Variants in LRRTM4 observed in about 807,000 individuals in gnomAD.
The protein encoded by LRRTM4 is leucine rich repeat transmembrane neuronal 4.
A neutral mutation model predicts 47.6 loss-of-function variants in LRRTM4; 25 were observed. The ratio of observed to expected loss-of-function variants is 0.53; its 90% confidence interval spans 0.38 to 0.73. The LOEUF is 0.73. LRRTM4 is among the 30% of genes least tolerant of loss of function. The pLI, the probability that LRRTM4 is intolerant of heterozygous loss-of-function variation, is 0.00. For missense variants in LRRTM4, 638 were observed against 713.4 expected (o/e 0.89, Z 1.20); for synonymous variants, 311 against 269.5 (o/e 1.15, Z -1.51).
At chr2:77,512,253 T>C (rs529684192) in intron 3 of LRRTM4, among the ~76,000 whole-genome samples, 8 of 152,282 alleles carry the variant, frequency 5.3e-5, no homozygotes, top group Non-Finnish European at 1.0e-4. Context: ...TAGCAGCTTC[T>C]AGCAGACGTT....
intron 3 of LRRTM4, among the ~76,000 whole-genome samples, chr2:76,941,483 A>G (rs1675140890): frequency 6.7e-6 from 1 of 149,644 alleles, no homozygotes; most frequent in Non-Finnish European, 1.5e-5. Context: ...TCCCCCAACA[A>G]CCCCCAGTAT....
intron 3 of LRRTM4, among the ~76,000 whole-genome samples, chr2:77,313,004 T>G (rs1427744262): frequency 6.6e-6 from 1 of 152,110 alleles, no homozygotes; most frequent in Non-Finnish European, 1.5e-5. Flanking sequence ...TTGAGTACCA[T>G]CTCTTTAGGA....
rs527791772 is a variant in LRRTM4 at position 76,885,616 on chromosome 2, C to T, written c.1552-136700G>A. ...TAGCTGGGACCGCAAGCGCCCACCG[C>T]CACCACGTCCGGCTAATTGTTTGTA... On this transcript the variant is annotated intron_variant, in intron 3 of 3. Transcript: ENST00000409884. Among the ~76,000 whole-genome samples the T allele has an allele frequency of 5.3e-5, 8 of 152,098 alleles. No homozygotes were observed. In the South Asian group the frequency reaches 1.7e-3, roughly 32 times the overall value.
rs542859129 is a variant in LRRTM4, at chr2:76,749,053, T to C, written c.1552-137A>G. The C allele has an allele frequency of 4.1e-5, 27 of 662,104 alleles. No homozygotes were observed. In the Admixed American group the frequency reaches 4.9e-4, roughly 12 times the overall value. The allele number at this position is 662,104 out of a possible 1,614,324, so 41.0% of individuals were successfully genotyped here. A position where few individuals can be genotyped will look rare whatever the true frequency, so the allele number is the denominator to read the frequency against. On this transcript the variant is annotated intron_variant, in intron 3 of 3. Transcript: ENST00000409884. Reference sequence around the variant, plus strand: ...CTACAAATTCAACTACAAATAAACATTAACAAAATGATGATTACTATTTAA... The same window carrying C: ...CTACAAATTCAACTACAAATAAACACTAACAAAATGATGATTACTATTTAA...
chr2:76,990,549 A>G (rs1287743170), intron 3 of LRRTM4, among the ~76,000 whole-genome samples: 8 of 151,824 alleles, frequency 5.3e-5, no homozygotes, highest in Non-Finnish European at 1.2e-4. Flanking sequence ...AAAAAGGAAA[A>G]GAATGGGCAT....
At chr2:76,798,398 C>A (rs895484711) in intron 3 of LRRTM4, among the ~76,000 whole-genome samples, 1 of 151,534 alleles carries the variant, frequency 6.6e-6, no homozygotes, top group Admixed American at 6.6e-5. Flanking sequence ...TTCTTTGAAA[C>A]CAACGAGAAC....
intron 3 of LRRTM4, among the ~76,000 whole-genome samples, chr2:76,795,374 A>G (rs748156157): frequency 4.6e-5 from 7 of 152,146 alleles, no homozygotes; most frequent in African/African-American, 9.7e-5. Flanking sequence ...CCAACTTTAT[A>G]TAAGACAATT....
chr2:77,442,489 T>A (rs1474915585), intron 3 of LRRTM4, among the ~76,000 whole-genome samples: 1 of 152,218 alleles, frequency 6.6e-6, no homozygotes, highest in African/African-American at 2.4e-5. Context: ...TTATGATTTA[T>A]ACCACCTACA....
At position 77,519,183 on chromosome 2, in the gene LRRTM4, A is replaced by G. The variant is rs1296770401; in HGVS notation, c.686T>C (p.Phe229Ser). The change falls in exon 3 of 4, where the codon TTC becomes TCC. Residue 229 changes from phenylalanine (F) to serine (S), a missense_variant. Transcript: ENST00000409884. The surrounding 1 kb of genome is among the most constrained non-coding windows in gnomAD (Gnocchi z 4.6). ...TTGTAAGTAAATTGAGCGGAGGTTGAAGAGACGTGGAAAATGAGCAAAGTT... is the reference window on the plus strand; with the variant it reads ...TTGTAAGTAAATTGAGCGGAGGTTGGAGAGACGTGGAAAATGAGCAAAGTT... ...KINFAHFPRL[F>S]NLRSIYLQWN... 1 of 1,613,312 alleles carries G rather than the reference A, an allele frequency of 6.2e-7. No homozygotes were observed. Among genetic ancestry groups the G allele is most frequent in the Non-Finnish European group, 8.5e-7 (1 of 1,179,596 alleles).
intron 3 of LRRTM4, among the ~76,000 whole-genome samples, chr2:77,420,567 A>C (rs908400876): frequency 2.0e-5 from 3 of 151,758 alleles, no homozygotes; most frequent in African/African-American, 7.3e-5. Flanking sequence ...TTAAAGAATA[A>C]GGAAAAAGCT....
intron 3 of LRRTM4, among the ~76,000 whole-genome samples, chr2:76,931,755 C>A (rs1318104673): frequency 6.6e-6 from 1 of 151,828 alleles, no homozygotes; most frequent in Non-Finnish European, 1.5e-5. Flanking sequence ...TTTTTTCTGT[C>A]CAGGTTTACC....
At chr2:77,019,147 TAGAG>T (rs1025813673) in intron 3 of LRRTM4, among the ~76,000 whole-genome samples, 52 of 146,968 alleles carry the variant, frequency 3.5e-4, no homozygotes, top group African/African-American at 7.7e-5. Flanking sequence ...AGACTTGTTA[TAGAG>T]AGTCAGAATA....
chr2:76,953,709 A>T (rs1675572447), intron 3 of LRRTM4, among the ~76,000 whole-genome samples: 1 of 151,862 alleles, frequency 6.6e-6, no homozygotes, highest in Non-Finnish European at 1.5e-5. Context: ...CACAATTGGG[A>T]TTAAATGCCT....
At chr2:77,407,783 T>G (rs964905143) in intron 3 of LRRTM4, among the ~76,000 whole-genome samples, 7 of 147,506 alleles carry the variant, frequency 4.7e-5, no homozygotes, top group Non-Finnish European at 1.0e-4. Context: ...TTTGAAAGAC[T>G]TCAAGGAGCT....
chr2:77,410,291 G>C (rs547127654), intron 3 of LRRTM4, among the ~76,000 whole-genome samples: 75 of 152,156 alleles, frequency 4.9e-4, no homozygotes, highest in African/African-American at 1.8e-3. Flanking sequence ...GGGAAAATGG[G>C]ACCAACCACA....
chr2:77,088,840 ACT>A (rs925769901), intron 3 of LRRTM4, among the ~76,000 whole-genome samples: 1 of 151,682 alleles, frequency 6.6e-6, no homozygotes, highest in African/African-American at 2.4e-5. Flanking sequence ...GCATCTTTTT[ACT>A]CTCTTCTCCA....
intron 3 of LRRTM4, among the ~76,000 whole-genome samples, chr2:77,433,758 G>T (rs368139085): frequency 6.6e-6 from 1 of 152,174 alleles, no homozygotes; most frequent in East Asian, 1.9e-4. Context: ...CAAACAACAG[G>T]AGTGGAAGGA....
chr2:77,356,410 G>A (rs1282724281), intron 3 of LRRTM4, among the ~76,000 whole-genome samples: 3 of 151,974 alleles, frequency 2.0e-5, no homozygotes, highest in Non-Finnish European at 4.4e-5. Flanking sequence ...ACATAAATAT[G>A]GAAGAAACTA....
chr2:76,990,822 G>A (rs1676978935), intron 3 of LRRTM4, among the ~76,000 whole-genome samples: 1 of 151,414 alleles, frequency 6.6e-6, no homozygotes, highest in Non-Finnish European at 1.5e-5. Flanking sequence ...ACAGACTATT[G>A]CACCCATCAA....
Sources: gnomAD v4.1 joint callset for allele counts (sites outside exome capture counted in the v4.1 genomes callset) on GRCh38, gnomAD v4.1.1 for gene constraint, Gnocchi (gnomAD v3.1) non-coding constraint, MANE v1.5 for transcripts, NCBI Gene and HGNC (gene_info 2026-07-23, HGNC 2026-07-21) for gene names.